The following ALDH1L1 variants were observed in gnomAD, a reference collection of about 807,000 sequenced individuals.
ALDH1L1 encodes cytosolic 10-formyltetrahydrofolate dehydrogenase.
ALDH1L1 carries 68 observed loss-of-function variants against 101.1 expected under a neutral mutation model. The ratio of observed to expected loss-of-function variants is 0.67; its 90% CI spans 0.55 to 0.82. The LOEUF is 0.82. ALDH1L1 is among the 40% of genes least tolerant of loss of function. The probability of loss-of-function intolerance (pLI) is 0.00; values close to 1 mark genes in which losing one functional copy is unlikely to be tolerated. For synonymous variants in ALDH1L1, 486 were observed against 470.8 expected (o/e 1.03, Z -0.42); for missense variants, 1,087 against 1,172.7 (o/e 0.93, Z 1.07).
intron 16 of ALDH1L1, among the ~76,000 whole-genome samples, chr3:126,123,257 C>CTTT (rs138624090): frequency 7.2e-6 from 1 of 138,656 alleles, no homozygotes; most frequent in African/African-American, 2.7e-5. Flanking sequence ...CACCAAAACT[C>CTTT]TTTTTTTTTT....
chr3:126,143,124 T>C (rs1354513074), intron 9 of ALDH1L1, among the ~76,000 whole-genome samples: 1 of 152,198 alleles, frequency 6.6e-6, no homozygotes, highest in Non-Finnish European at 1.5e-5. Flanking sequence ...AAGTTTTGAG[T>C]ATCTCATACA....
Position 126,114,726 on chromosome 3 carries a change from C to A in ALDH1L1, c.1983-70G>T, listed in dbSNP as rs750956505. ...GTAGGGGCATTGGGACCCCAGGTGG[C>A]AGGGACCTGGGTAGGCCCAAAGCAT... On this transcript the variant is annotated intron_variant, in intron 17 of 22. Coordinates refer to ENST00000393434, the MANE Select transcript of ALDH1L1 (RefSeq NM_012190.4). The A allele has an allele frequency of 2.1e-6, 3 of 1,449,322 alleles. No individual in the cohort carries two copies. The East Asian group carries it at 6.8e-5, about 33-fold the overall frequency. 89.8% of individuals were successfully genotyped at this position (1,449,322 alleles called of 1,614,324 possible). A position where few individuals can be genotyped will look rare whatever the true frequency, so the allele number is the denominator to read the frequency against.
At chr3:126,171,168 C>G (rs1431598682) in intron 1 of ALDH1L1, among the ~76,000 whole-genome samples, 1 of 152,170 alleles carries the variant, frequency 6.6e-6, no homozygotes, top group Non-Finnish European at 1.5e-5. Flanking sequence ...CGTGGTGGCG[C>G]ATGCCTGTAG....
intron 9 of ALDH1L1, among the ~76,000 whole-genome samples, 179 bp downstream of exon 9, chr3:126,146,656 C>A (rs990875296): frequency 1.3e-5 from 2 of 152,194 alleles, no homozygotes; most frequent in African/African-American, 4.8e-5. Flanking sequence ...AGACCTGCAA[C>A]CATTCATTTG....
upstream of ALDH1L1, among the ~76,000 whole-genome samples, chr3:126,184,869 G>A (rs1247272437): frequency 6.6e-6 from 1 of 151,872 alleles, no homozygotes; most frequent in Non-Finnish European, 1.5e-5. Context: ...ACCTGGGCTT[G>A]TTTTTGTTTT....
At chr3:126,157,586 T>G in intron 3 of ALDH1L1, 78 bp from the exon 4 acceptor site, 1 of 1,504,162 alleles carries the variant, frequency 6.6e-7, no homozygotes, top group East Asian at 2.3e-5. Flanking sequence ...CCCGTGGACC[T>G]GCCACCCTCC....
intron 1 of ALDH1L1, among the ~76,000 whole-genome samples, chr3:126,189,676 T>C (rs1269715235): frequency 6.6e-6 from 1 of 152,232 alleles, no homozygotes; most frequent in East Asian, 1.9e-4. Flanking sequence ...AAAGTTTCTT[T>C]TATCTGGTGA....
At chr3:126,103,956 C>T (rs1363682221) in intron 22 of ALDH1L1, 110 bp from the exon 23 acceptor site, 4 of 1,253,986 alleles carry the variant, frequency 3.2e-6, no homozygotes, top group Non-Finnish European at 3.4e-6. Flanking sequence ...CTGGCTCACC[C>T]CACTTCCAGG....
At chr3:126,176,583 T>A (rs558088728) in intron 1 of ALDH1L1, among the ~76,000 whole-genome samples, 7 of 152,196 alleles carry the variant, frequency 4.6e-5, no homozygotes, top group African/African-American at 1.7e-4. Context: ...ATGGAGAAAA[T>A]CTGCATTGCA....
In ALDH1L1 at chr3:126,155,381, G is replaced by A. The variant is rs1446499617; in HGVS notation, c.630+21C>T. ...GTCTGCTCACAGGCAGGATGAGGGT[G>A]TGGAGGGACCCAGCACTCACCTTGG... On this transcript the variant is annotated intron_variant, in intron 5 of 22. Coordinates refer to ENST00000393434, the MANE Select transcript of ALDH1L1 (RefSeq NM_012190.4). 5 of 1,605,672 alleles carry A rather than the reference G, an allele frequency of 3.1e-6. No homozygotes were observed. The Admixed American group carries it at 5.0e-5, about 16-fold the overall frequency.
intron 19 of ALDH1L1, among the ~76,000 whole-genome samples, chr3:126,110,772 C>T (rs914368862): frequency 6.6e-6 from 1 of 152,144 alleles, no homozygotes; most frequent in African/African-American, 2.4e-5. Context: ...TAGCCAAACC[C>T]GGTTGCTTTT....
Position 126,158,445 on chromosome 3 carries a change from A to G in ALDH1L1, c.322T>C (p.Ser108Pro). The change falls in exon 3 of 23, where the codon TCA becomes CCA. Residue 108 changes from serine to proline, a missense_variant. By Grantham distance (74) the Ser-to-Pro change is moderately conservative. Transcript: ENST00000393434. The stretch of plus-strand genomic sequence containing the variant: ...GCCCCTCGGTGCCTAGGGAGCAGTG[A>G]CGGGTGATAGATGATGGAGCCATGC... The part of the protein sequence containing the change: ...PRHGSIIYHP[S>P]LLPRHRGASA... 6.2e-7 allele frequency: 1 copy of G among 1,612,232 alleles called. No individual in the cohort carries two copies. The highest frequency in any genetic ancestry group is 2.2e-5 in the East Asian group (1 of 44,842).
At position 126,131,484 on chromosome 3, in the gene ALDH1L1, G is replaced by A; in HGVS notation, c.1523C>T (p.Ala508Val). 6.2e-7 allele frequency: 1 copy of A among 1,613,148 alleles called. No homozygotes were observed. The highest frequency in any genetic ancestry group is 1.1e-5 in the South Asian group (1 of 91,028). Residue 508 changes from alanine to valine, a missense_variant, in exon 13 of 23, where the codon GCC becomes GTC. Coordinates refer to ENST00000393434, the MANE Select transcript of ALDH1L1 (RefSeq NM_012190.4). ...QHQEELATIE[A>V]LDAGAVYTLA... ...CGTGTAGACGGCACCCGCATCCAGG[G>A]CCTCAATGGTGGCCAGCTCCTCCTG...
intron 6 of ALDH1L1, 144 bp downstream of exon 6, chr3:126,154,410 G>T: frequency 1.3e-6 from 1 of 790,674 alleles, no homozygotes; most frequent in Non-Finnish European, 2.1e-6. Context: ...GGAAAGGCTG[G>T]GATGTTTAGG....
At chr3:126,130,871 A>G (rs1562475) in intron 13 of ALDH1L1, among the ~76,000 whole-genome samples, 96,643 of 152,152 alleles carry the variant, frequency 0.64, 30,800 homozygotes, top group Middle Eastern at 0.7. Context: ...ACTCCCTCCT[A>G]TGAGGTGTTG....
chr3:126,185,723 G>C (rs1451930386), upstream of ALDH1L1, among the ~76,000 whole-genome samples: 1 of 152,100 alleles, frequency 6.6e-6, no homozygotes, highest in Non-Finnish European at 1.5e-5. Context: ...TTGTCCAGTG[G>C]TAACAAGATG....
intron 18 of ALDH1L1, among the ~76,000 whole-genome samples, chr3:126,113,305 A>T (rs1168837527): frequency 2.0e-5 from 3 of 152,178 alleles, no homozygotes; most frequent in Non-Finnish European, 4.4e-5. Flanking sequence ...CGTGTGTGTA[A>T]GCATGGAGCA....
At position 126,154,616 on chromosome 3, in the gene ALDH1L1, T is replaced by C. The variant is rs564071539; in HGVS notation, c.658A>G (p.Ile220Val). 10 of 1,614,070 alleles carry C rather than the reference T, an allele frequency of 6.2e-6. No homozygotes were observed. The highest frequency in any genetic ancestry group is 1.3e-5 in the African/African-American group (1 of 74,952). The change falls in exon 6 of 23, where the codon ATT becomes GTT. Residue 220 changes from isoleucine (I) to valine (V), a missense_variant. Physicochemically the swap from Ile to Val is conservative, Grantham distance 29. Around this residue, in one of 2 missense-constraint regions of ALDH1L1, gnomAD observed 645 missense variants for 637.0 expected, o/e 1.01. Coordinates refer to ENST00000393434, the MANE Select transcript of ALDH1L1 (RefSeq NM_012190.4). The stretch of plus-strand genomic sequence containing the variant: ...TCGTTCCCGCGGATCCAGTTGTGAA[T>C]GGCCTCTGCCGGCTGGTCCCAGTTG... ...KINWDQPAEA[I>V]HNWIRGNDKV...
chr3:126,192,761 G>T (rs892044332), intron 1 of ALDH1L1, among the ~76,000 whole-genome samples: 1 of 152,172 alleles, frequency 6.6e-6, no homozygotes, highest in African/African-American at 2.4e-5. Flanking sequence ...CACTTTCAGG[G>T]ATTTGTCAGC....
Sources: gnomAD v4.1 joint callset for allele counts (sites outside exome capture counted in the v4.1 genomes callset) on GRCh38, gnomAD v4.1.1 for gene constraint, gnomAD v4.1.1 regional missense constraint, MANE v1.5 for transcripts, NCBI Gene and HGNC (gene_info 2026-07-23, HGNC 2026-07-21) for gene names.